The following LRP1B variants were observed in gnomAD, a reference collection of about 807,000 sequenced individuals.
LRP1B encodes low-density lipoprotein receptor-related protein 1B.
In LRP1B, 217 loss-of-function variants were observed where a neutral mutation model predicts 556.6. The observed-to-expected ratio is 0.39, with a 90% CI of 0.35 to 0.44. LRP1B has a LOEUF of 0.44. Ranked by LOEUF, LRP1B falls within the 20% of genes least tolerant of loss-of-function variation. The pLI is 1.00. For synonymous variants in LRP1B, 2,047 were observed against 1,865.8 expected (o/e 1.10, Z -2.50); for missense variants, 5,053 against 5,620.8 (o/e 0.90, Z 3.23).
At chr2:140,872,359 G>GTTTTTTT (rs1693163328) in intron 25 of LRP1B, among the ~76,000 whole-genome samples, 4 of 38,060 alleles carry the variant, frequency 1.1e-4, no homozygotes, top group Admixed American at 3.9e-4. Context: ...TGTGTCACCT[G>GTTTTTTT]ATTTTTTTTT....
intron 41 of LRP1B, among the ~76,000 whole-genome samples, chr2:140,659,833 G>C (rs1382578717): frequency 6.6e-6 from 1 of 152,014 alleles, no homozygotes; most frequent in Non-Finnish European, 1.5e-5. Flanking sequence ...AACAGGATGA[G>C]AGATAAGAAA....
chr2:141,144,880 A>G (rs925078347), intron 7 of LRP1B, among the ~76,000 whole-genome samples: 2 of 152,216 alleles, frequency 1.3e-5, no homozygotes, highest in African/African-American at 4.8e-5. Context: ...GTATGGATAA[A>G]TGAACATGCA....
intron 3 of LRP1B, among the ~76,000 whole-genome samples, chr2:141,404,927 A>G (rs977293759): frequency 6.6e-6 from 1 of 152,092 alleles, no homozygotes; most frequent in African/African-American, 2.4e-5. Flanking sequence ...TGACCATTAA[A>G]AAACACGAAG....
chr2:141,771,682 A>G (rs562105293), intron 2 of LRP1B, among the ~76,000 whole-genome samples: 97 of 152,292 alleles, frequency 6.4e-4, no homozygotes, highest in Non-Finnish European at 1.0e-3. Context: ...CTAATCCCCA[A>G]CGTAATGGTA....
At position 140,770,300 on chromosome 2, in the gene LRP1B, C is replaced by A. The variant is rs1689266015; in HGVS notation, c.5626+581G>T. Among the ~76,000 whole-genome samples, 3 of 151,906 alleles carry A rather than the reference C, an allele frequency of 2.0e-5. No individual in the cohort carries two copies. In the South Asian group the frequency reaches 6.2e-4, roughly 32 times the overall value. On this transcript the variant is annotated intron_variant, in intron 34 of 90. Transcript: ENST00000389484. ...TACATATATAGATATATAGATATTTCTCAAATAAGATTGGAACATTTTTAA... is the reference window on the plus strand; with the variant it reads ...TACATATATAGATATATAGATATTTATCAAATAAGATTGGAACATTTTTAA...
At chr2:140,408,331 A>C (rs957662816) in intron 66 of LRP1B, among the ~76,000 whole-genome samples, 1 of 151,996 alleles carries the variant, frequency 6.6e-6, no homozygotes, top group African/African-American at 2.4e-5. Flanking sequence ...CTATTGAAAT[A>C]AAAACTAATT....
At chr2:140,734,722 C>T (rs547262094) in intron 35 of LRP1B, among the ~76,000 whole-genome samples, 1 of 131,684 alleles carries the variant, frequency 7.6e-6, no homozygotes, top group Admixed American at 7.7e-5. Context: ...TTTGCTAAGG[C>T]TGCTCTCAGC....
intron 2 of LRP1B, among the ~76,000 whole-genome samples, chr2:141,554,610 G>A (rs757195056): frequency 3.3e-5 from 5 of 151,742 alleles, no homozygotes; most frequent in African/African-American, 1.2e-4. Flanking sequence ...GTAAATCAAA[G>A]AAATCTCAAA....
rs1190738618 is a variant in LRP1B, at chr2:140,323,938, T to C, written c.12469A>G (p.Lys4157Glu). The change falls in exon 81 of 91, where the codon AAA (lysine) becomes GAA (glutamate). Residue 4157 changes from lysine to glutamate, a missense_variant. Physicochemically the swap from Lys to Glu is moderately conservative, Grantham distance 56. This residue lies in a region of LRP1B where 551 missense variants were observed against 592.0 expected (regional missense o/e 0.93). Transcript: ENST00000389484. Reference sequence around the variant, plus strand: ...TGAGATATCAAAACACCTTTTGTTTTATCAATATTTAAAGCTAAGTACTCT... The same window carrying C: ...TGAGATATCAAAACACCTTTTGTTTCATCAATATTTAAAGCTAAGTACTCT... ...SVEYLALNID[K>E]TKGVLISHRY... The C allele has an allele frequency of 1.6e-5, 26 of 1,588,088 alleles. No homozygotes were observed. Among genetic ancestry groups the C allele is most frequent in the Admixed American group, 1.7e-5 (1 of 59,794 alleles).
rs1006135527 is a variant in LRP1B, at chr2:141,911,288, A to G, written c.83-100887T>C. ...CTTTAACCACTTCTATAATACTGTC[A>G]AAACAGTTCATTCCATTTGGAGAAT... On this transcript the variant is annotated intron_variant, in intron 1 of 90. Coordinates refer to ENST00000389484, the MANE Select transcript of LRP1B (RefSeq NM_018557.3). 7.2e-5 allele frequency among the ~76,000 whole-genome samples: 11 copies of G among 152,224 alleles called. No homozygotes were observed. The South Asian group carries it at 8.3e-4, about 11-fold the overall frequency.
intron 18 of LRP1B, among the ~76,000 whole-genome samples, chr2:140,953,403 G>T (rs545079195): frequency 6.6e-6 from 1 of 152,138 alleles, no homozygotes; most frequent in African/African-American, 2.4e-5. Context: ...TTCTTTAATT[G>T]TTCTTGTGAC....
chr2:141,791,350 G>C (rs765359743), intron 2 of LRP1B, among the ~76,000 whole-genome samples: 2 of 151,862 alleles, frequency 1.3e-5, no homozygotes, highest in Non-Finnish European at 2.9e-5. Context: ...AACTTTTTCA[G>C]TGCTCTATTT....
intron 2 of LRP1B, among the ~76,000 whole-genome samples, chr2:141,782,512 T>C (rs893199831): frequency 1.5e-5 from 2 of 131,930 alleles, no homozygotes; most frequent in African/African-American, 6.0e-5. Flanking sequence ...TGTTCTATTT[T>C]CCTTTTTTTT....
chr2:141,680,914 T>C (rs1181403954), intron 2 of LRP1B, among the ~76,000 whole-genome samples: 1 of 152,168 alleles, frequency 6.6e-6, no homozygotes, highest in African/African-American at 2.4e-5. Flanking sequence ...AGTATTTAAA[T>C]GCTGAGCCTA....
At chr2:142,036,016 G>T (rs1387181975) in intron 1 of LRP1B, among the ~76,000 whole-genome samples, 1 of 151,368 alleles carries the variant, frequency 6.6e-6, no homozygotes, top group Non-Finnish European at 1.5e-5. Flanking sequence ...TTTACCTCCC[G>T]CCGTGATTCT....
intron 7 of LRP1B, among the ~76,000 whole-genome samples, chr2:141,132,890 T>C (rs2105031489): frequency 6.6e-6 from 1 of 152,134 alleles, no homozygotes; most frequent in South Asian, 2.1e-4. Flanking sequence ...TTTGAAAATT[T>C]AAATGTACTA....
At chr2:141,541,788 A>G (rs1685270233) in intron 2 of LRP1B, among the ~76,000 whole-genome samples, 1 of 152,086 alleles carries the variant, frequency 6.6e-6, no homozygotes, top group African/African-American at 2.4e-5. Flanking sequence ...ATACTTAGAA[A>G]TGGTCAAATG....
At chr2:140,582,582 G>T (rs763328941) in intron 43 of LRP1B, among the ~76,000 whole-genome samples, 7 of 152,248 alleles carry the variant, frequency 4.6e-5, no homozygotes, top group Non-Finnish European at 1.0e-4. Flanking sequence ...AAGTGTGTGG[G>T]TTTGATCTCT....
chr2:140,889,550 G>C (rs554161630), intron 23 of LRP1B, among the ~76,000 whole-genome samples: 3 of 152,266 alleles, frequency 2.0e-5, no homozygotes, highest in Admixed American at 2.0e-4. Flanking sequence ...ACCTGCCTTG[G>C]CCTCCTAAAG....
Sources: gnomAD v4.1 joint callset for allele counts (sites outside exome capture counted in the v4.1 genomes callset) on GRCh38, gnomAD v4.1.1 for gene constraint, gnomAD v4.1.1 regional missense constraint, MANE v1.5 for transcripts, NCBI Gene and HGNC (gene_info 2026-07-23, HGNC 2026-07-21) for gene names.